DCAF8L2: variants seen among roughly 807,000 people sequenced by gnomAD.
DCAF8L2 encodes the protein DDB1- and CUL4-associated factor 8-like protein 2.
For missense variants in DCAF8L2, 430 were observed against 490.7 expected, an observed-to-expected ratio of 0.88 and a Z score of 1.17; for synonymous variants, 200 against 190.9, an observed-to-expected ratio of 1.05 and a Z score of -0.39.
chrX:27,598,351 C>G (rs756805169), intron 1 of DCAF8L2, among the ~76,000 whole-genome samples: 2 of 110,939 alleles, frequency 1.8e-5, no homozygotes, highest in East Asian at 2.8e-4. Context: ...TATAACCCCC[C>G]CCACCCAACC....
the DCAF8L2 span, among the ~76,000 whole-genome samples, chrX:27,583,257 T>C: frequency 2.7e-5 from 3 of 111,809 alleles, no homozygotes; most frequent in African/African-American, 9.8e-5. Flanking sequence ...TTTTTAAAGG[T>C]TGGCTACTAT....
chrX:27,594,118 A>T (rs187209557), intron 1 of DCAF8L2, among the ~76,000 whole-genome samples: 1 of 112,216 alleles, frequency 8.9e-6, no homozygotes, highest in Non-Finnish European at 1.9e-5. Flanking sequence ...ATGAAACCTC[A>T]TGTGTATCCA....
intron 2 of DCAF8L2, among the ~76,000 whole-genome samples, chrX:27,674,793 T>C (rs988862769): frequency 1.1e-4 from 12 of 111,641 alleles, no homozygotes; most frequent in African/African-American, 3.9e-4. Flanking sequence ...TCAAAGAAGA[T>C]TTATCTACAA....
chrX:27,718,171 T>TA (rs1931766217), intron 4 of DCAF8L2, among the ~76,000 whole-genome samples: 1 of 111,749 alleles, frequency 8.9e-6, no homozygotes, highest in African/African-American at 3.2e-5. Flanking sequence ...CTCTTTGAAT[T>TA]AGATTTCCTC....
intron 2 of DCAF8L2, among the ~76,000 whole-genome samples, chrX:27,637,046 G>T (rs368722268): frequency 3.8e-4 from 42 of 111,642 alleles, no homozygotes; most frequent in African/African-American, 1.4e-3. Flanking sequence ...CAGTTTAAAG[G>T]TTCTCCGAAA....
intron 1 of DCAF8L2, among the ~76,000 whole-genome samples, chrX:27,595,227 A>G (rs754388520): frequency 3.6e-5 from 4 of 111,686 alleles, no homozygotes; most frequent in African/African-American, 6.5e-5. Flanking sequence ...CAAAGTTACA[A>G]TGCAATATAG....
intron 4 of DCAF8L2, among the ~76,000 whole-genome samples, chrX:27,720,129 A>T (rs763001705): frequency 9.0e-6 from 1 of 110,780 alleles, no homozygotes; most frequent in South Asian, 3.7e-4. Flanking sequence ...AATAATATTT[A>T]TTTAAAAATG....
At chrX:27,694,638 C>A (rs893747690) in intron 3 of DCAF8L2, among the ~76,000 whole-genome samples, 6 of 111,280 alleles carry the variant, frequency 5.4e-5, no homozygotes, top group African/African-American at 9.8e-5. Context: ...TGAAAAGATT[C>A]TTTTTGTCTA....
chrX:27,524,621 T>G, the DCAF8L2 span, among the ~76,000 whole-genome samples: 1 of 110,866 alleles, frequency 9.0e-6, no homozygotes, highest in Admixed American at 9.7e-5. Context: ...ATTGTGATGT[T>G]AGGGTGTCAA....
At chrX:27,725,500 C>A (rs774811352) in intron 4 of DCAF8L2, among the ~76,000 whole-genome samples, 10 of 109,902 alleles carry the variant, frequency 9.1e-5, no homozygotes, top group Non-Finnish European at 1.9e-4. Flanking sequence ...ATTTGACCTG[C>A]TGAATATAGA....
the DCAF8L2 span, among the ~76,000 whole-genome samples, chrX:27,490,734 A>C: frequency 9.0e-6 from 1 of 111,519 alleles, no homozygotes; most frequent in South Asian, 3.7e-4. Context: ...TGCTGGGATT[A>C]CAGGTGTGAG....
chrX:27,583,584 T>C, the DCAF8L2 span, among the ~76,000 whole-genome samples: 1 of 111,496 alleles, frequency 9.0e-6, no homozygotes, highest in Non-Finnish European at 1.9e-5. Flanking sequence ...TACCCTTCCA[T>C]GGTCTGTTAG....
At chrX:27,554,160 C>T in the DCAF8L2 span, among the ~76,000 whole-genome samples, 16 of 111,403 alleles carry the variant, frequency 1.4e-4, no homozygotes, top group South Asian at 1.5e-3. Context: ...TACTCTCCGG[C>T]GCCTCACAGA....
Position 27,748,669 on chromosome X carries a change from C to T in DCAF8L2, c.1774C>T (p.Arg592Cys). The change falls in exon 5 of 5, where the codon CGT (arginine) becomes TGT (cysteine). Residue 592 changes from arginine to cysteine, a missense_variant. By Grantham distance (180) the Arg-to-Cys change is radical (BLOSUM62 -3). Transcript: ENST00000451261. Reference protein sequence around the residue: ...FLLRHVTQRGRHQDWRSGEAE... With the variant: ...FLLRHVTQRGCHQDWRSGEAE... ...CCTGCGTCACGTGACGCAGAGAGGT[C>T]GTCACCAGGACTGGAGAAGTGGTGA... The T allele has an allele frequency of 1.7e-6, 2 of 1,195,361 alleles. No homozygotes were observed. The highest frequency in any genetic ancestry group is 2.3e-6 in the Non-Finnish European group (2 of 886,233).
intron 2 of DCAF8L2, among the ~76,000 whole-genome samples, chrX:27,649,643 A>C (rs1410331328): frequency 1.8e-5 from 2 of 111,323 alleles, no homozygotes; most frequent in African/African-American, 3.3e-5. Context: ...CCATGTTTTA[A>C]TGGGGTTGTT....
the DCAF8L2 span, among the ~76,000 whole-genome samples, chrX:27,520,333 C>T: frequency 9.0e-6 from 1 of 111,424 alleles, no homozygotes; most frequent in South Asian, 3.7e-4. Flanking sequence ...AGAACATTAA[C>T]GTAATCAATG....
At chrX:27,549,225 A>C in the DCAF8L2 span, among the ~76,000 whole-genome samples, 1 of 111,738 alleles carries the variant, frequency 8.9e-6, no homozygotes, top group Non-Finnish European at 1.9e-5. Flanking sequence ...TCACTCTTAA[A>C]ATTTTTTTTT....
the DCAF8L2 span, among the ~76,000 whole-genome samples, chrX:27,477,095 A>G: frequency 8.9e-6 from 1 of 111,965 alleles, no homozygotes; most frequent in Non-Finnish European, 1.9e-5. Flanking sequence ...TTGTTTCCCC[A>G]GATCTCCTGC....
chrX:27,668,318 G>A (rs1164497252), intron 2 of DCAF8L2, among the ~76,000 whole-genome samples: 1 of 111,864 alleles, frequency 8.9e-6, no homozygotes, highest in Non-Finnish European at 1.9e-5. Context: ...ATGAGGATTC[G>A]TATGAAAGTG....
Sources: allele counts gnomAD v4.1 joint callset (sites outside exome capture counted in the v4.1 genomes callset), GRCh38; gene constraint gnomAD v4.1.1; transcripts MANE v1.5; gene names NCBI Gene and HGNC (gene_info 2026-07-23, HGNC 2026-07-21).